GPM6A: variants seen among roughly 807,000 people sequenced by gnomAD.
GPM6A encodes neuronal membrane glycoprotein M6-a.
A neutral mutation model predicts 32.1 loss-of-function variants in GPM6A; 7 were observed. The observed-to-expected ratio is 0.22, with a 90% CI of 0.12 to 0.41. GPM6A has a LOEUF of 0.41. Ranked by LOEUF, GPM6A falls within the 10% of genes least tolerant of loss-of-function variation. The probability of loss-of-function intolerance (pLI) is 1.00; values close to 1 mark genes in which losing one functional copy is unlikely to be tolerated. For synonymous variants in GPM6A, 130 were observed against 123.4 expected (o/e 1.05, Z -0.35); for missense variants, 235 against 347.2 (o/e 0.68, Z 2.57).
intron 1 of GPM6A, among the ~76,000 whole-genome samples, chr4:175,839,735 A>T (rs973414225): frequency 5.9e-5 from 9 of 152,208 alleles, no homozygotes; most frequent in Admixed American, 1.3e-4. Flanking sequence ...AAAATACTTT[A>T]TAATTGAAGT....
chr4:175,823,302 C>A (rs921850263), intron 1 of GPM6A, among the ~76,000 whole-genome samples: 1 of 152,182 alleles, frequency 6.6e-6, no homozygotes, highest in African/African-American at 2.4e-5. Flanking sequence ...ATATTAACAA[C>A]AATGAACATA....
intron 1 of GPM6A, among the ~76,000 whole-genome samples, chr4:175,943,644 G>T (rs944992943): frequency 2.6e-5 from 4 of 152,114 alleles, no homozygotes; most frequent in Admixed American, 2.6e-4. Flanking sequence ...TAATCATGTG[G>T]TTTTTGTCAT....
intron 1 of GPM6A, among the ~76,000 whole-genome samples, chr4:175,848,842 G>A (rs1282898186): frequency 6.6e-6 from 1 of 152,028 alleles, no homozygotes; most frequent in Non-Finnish European, 1.5e-5. Context: ...AAGCAAATGA[G>A]CTATTACAAT....
Position 175,875,751 on chromosome 4 carries a change from A to G in GPM6A, c.-22-63502T>C, listed in dbSNP as rs556761761. On this transcript the variant is annotated intron_variant, in intron 1 of 7. Coordinates refer to the GPM6A transcript ENST00000280187. ...CGTTTTTCCCAACTCAGCAACCTATAAAATACAGAAGATCATTCTAAATCC... is the reference window on the plus strand; with the variant it reads ...CGTTTTTCCCAACTCAGCAACCTATGAAATACAGAAGATCATTCTAAATCC... Among the ~76,000 whole-genome samples the G allele has an allele frequency of 7.9e-5, 12 of 152,302 alleles. 2 individuals are homozygous for G. In the South Asian group the frequency reaches 2.5e-3, roughly 32 times the overall value.
chr4:175,896,908 C>A (rs1429069040), intron 1 of GPM6A, among the ~76,000 whole-genome samples: 1 of 151,890 alleles, frequency 6.6e-6, no homozygotes, highest in East Asian at 1.9e-4. Flanking sequence ...GAGGTGGCAT[C>A]TTTCATTTGA....
chr4:175,972,842 C>G (rs1740549229), intron 1 of GPM6A, among the ~76,000 whole-genome samples: 1 of 152,114 alleles, frequency 6.6e-6, no homozygotes, highest in African/African-American at 2.4e-5. Flanking sequence ...ATGTATATCT[C>G]TACTCATATT....
chr4:175,749,112 T>C (rs1560911573), intron 1 of GPM6A, among the ~76,000 whole-genome samples: 1 of 152,100 alleles, frequency 6.6e-6, no homozygotes, highest in Non-Finnish European at 1.5e-5. Context: ...CATACAACTT[T>C]TATTAACTAT....
intron 1 of GPM6A, among the ~76,000 whole-genome samples, chr4:175,828,435 T>C (rs1296150044): frequency 6.6e-6 from 1 of 152,152 alleles, no homozygotes; most frequent in African/African-American, 2.4e-5. Context: ...GTTCCTGAAA[T>C]AGAAAAAAAC....
chr4:175,889,681 C>T (rs1285697824), intron 1 of GPM6A, among the ~76,000 whole-genome samples: 6 of 151,928 alleles, frequency 3.9e-5, no homozygotes, highest in African/African-American at 9.7e-5. Flanking sequence ...GGCGTGGTGG[C>T]GGACGCCTGT....
chr4:175,656,503 T>C (rs1208655185), intron 3 of GPM6A, among the ~76,000 whole-genome samples: 5 of 152,154 alleles, frequency 3.3e-5, no homozygotes, highest in South Asian at 4.1e-4. Context: ...CATGTAATTA[T>C]TGTTTTGATG....
At chr4:175,859,048 G>A (rs1736498021) in intron 1 of GPM6A, among the ~76,000 whole-genome samples, 2 of 152,194 alleles carry the variant, frequency 1.3e-5, no homozygotes, top group Non-Finnish European at 2.9e-5. Flanking sequence ...AGGAAGATTA[G>A]TGATTGCCTG....
rs966685624 is a variant in GPM6A at position 175,786,332 on chromosome 4, G to C, written c.37+25859C>G. Among the ~76,000 whole-genome samples, 5 of 149,920 alleles carry C rather than the reference G, an allele frequency of 3.3e-5. No homozygotes were observed. The South Asian group carries it at 8.4e-4, about 25-fold the overall frequency. On this transcript the variant is annotated intron_variant, in intron 1 of 6. Coordinates refer to ENST00000393658, the MANE Select transcript of GPM6A (RefSeq NM_201591.3). The stretch of plus-strand genomic sequence containing the variant: ...TTTGAAAAATGAATAGCAGTATTCA[G>C]TTGGCAGGTAGCATTTGATCCAAAT...
intron 1 of GPM6A, among the ~76,000 whole-genome samples, chr4:175,955,930 G>A (rs577001418): frequency 2.8e-4 from 42 of 152,088 alleles, no homozygotes; most frequent in African/African-American, 9.4e-4. Context: ...CTTCAGTGAC[G>A]TTAAAATTAG....
chr4:175,878,307 T>C (rs1737151847), intron 1 of GPM6A, among the ~76,000 whole-genome samples: 2 of 152,194 alleles, frequency 1.3e-5, no homozygotes, highest in South Asian at 4.1e-4. Context: ...AGACTCCATG[T>C]CGGGGCTCTG....
intron 1 of GPM6A, among the ~76,000 whole-genome samples, chr4:175,710,610 C>A: frequency 6.6e-6 from 1 of 152,110 alleles, no homozygotes; most frequent in East Asian, 1.9e-4. Flanking sequence ...TAAATTAAAT[C>A]CAAGACTTGA....
intron 1 of GPM6A, among the ~76,000 whole-genome samples, chr4:175,957,414 T>G (rs1740023121): frequency 6.6e-6 from 1 of 152,308 alleles, no homozygotes; most frequent in Admixed American, 6.5e-5. Context: ...GTACCAGGCA[T>G]GCAACAAGAT....
intron 1 of GPM6A, among the ~76,000 whole-genome samples, chr4:175,849,873 T>A (rs947833373): frequency 6.6e-6 from 1 of 151,904 alleles, no homozygotes; most frequent in African/African-American, 2.4e-5. Context: ...TCTGGAAGAA[T>A]TGGATGTATT....
chr4:175,919,334 G>C (rs1018127197), intron 1 of GPM6A, among the ~76,000 whole-genome samples: 1 of 152,114 alleles, frequency 6.6e-6, no homozygotes, highest in African/African-American at 2.4e-5. Flanking sequence ...ACCATAACCT[G>C]CTTAAATCCA....
chr4:175,970,553 A>C (rs1161979257), intron 1 of GPM6A, among the ~76,000 whole-genome samples: 1 of 152,212 alleles, frequency 6.6e-6, no homozygotes, highest in Non-Finnish European at 1.5e-5. Context: ...AGTTGGACAG[A>C]GTTCTTGCTG....
Sources: gnomAD v4.1 joint callset for allele counts (sites outside exome capture counted in the v4.1 genomes callset) on GRCh38, gnomAD v4.1.1 for gene constraint, MANE v1.5 for transcripts, NCBI Gene and HGNC (gene_info 2026-07-23, HGNC 2026-07-21) for gene names.